The following ZNF207 variants were observed in gnomAD, a reference collection of about 807,000 sequenced individuals.
ZNF207 encodes zinc finger protein 207.
In ZNF207, 24 loss-of-function variants were observed where a neutral mutation model predicts 60.2. The observed-to-expected ratio is 0.40, with a 90% CI of 0.29 to 0.56. The LOEUF (loss-of-function observed/expected upper bound fraction) is 0.56. Among genes scored for constraint, ZNF207 ranks in the 20% least tolerant of loss-of-function variants. The pLI, the probability that ZNF207 is intolerant of heterozygous loss-of-function variation, is 0.49. For missense variants in ZNF207, 452 were observed against 636.6 expected (o/e 0.71, Z 3.12); for synonymous variants, 236 against 194.7 (o/e 1.21, Z -1.77).
intron 8 of ZNF207, among the ~76,000 whole-genome samples, chr17:32,365,873 G>T (rs1251683714): frequency 6.6e-6 from 1 of 151,390 alleles, no homozygotes; most frequent in Admixed American, 6.6e-5. Flanking sequence ...CAAATCATTT[G>T]TCAGGCTCTG....
At chr17:32,360,863 A>G (rs751258738) in intron 4 of ZNF207, 29 bp from the exon 5 acceptor site, 2 of 1,613,402 alleles carry the variant, frequency 1.2e-6, no homozygotes, top group African/African-American at 1.3e-5. Context: ...AATATTTGTT[A>G]TTATTTTGAT....
intron 1 of ZNF207, 109 bp from the exon 2 acceptor site, chr17:32,351,677 C>T: frequency 1.2e-6 from 2 of 1,603,502 alleles, no homozygotes; most frequent in Non-Finnish European, 8.5e-7. Flanking sequence ...AGTTTCTATA[C>T]AGTACCATTT....
chr17:32,354,018 T>C (rs1272170267), intron 2 of ZNF207, among the ~76,000 whole-genome samples: 1 of 152,204 alleles, frequency 6.6e-6, no homozygotes, highest in Non-Finnish European at 1.5e-5. Context: ...GGTCTCATTC[T>C]GTTGTCCAGG....
chr17:32,351,819 C>T lies in ZNF207; in HGVS notation c.75C>T (p.Ile25=), dbSNP rs367749268. Residue 25 remains isoleucine, a synonymous_variant, in exon 2 of 12, where the codon ATC becomes ATT. Transcript: ENST00000394670. ...ATAGAGATTTTGATGATGAGAAGAT[C>T]CTTATTCAGCACCAAAAAGCAAAGC... ...YCNRDFDDEK[I]LIQHQKAKHF... is the part of the protein sequence containing the mutation. 103 of 1,610,666 alleles carry T rather than the reference C, an allele frequency of 6.4e-5. No homozygotes were observed. In the Admixed American group the frequency reaches 1.6e-3, roughly 25 times the overall value.
Position 32,351,943 on chromosome 17 carries a change from G to A in ZNF207, c.168+31G>A, listed in dbSNP as rs758170493. ...GATTTTTCTTCTGTATTTATTGTCC[G>A]CTTGTGATTTGGAAACAACTTGAAA... is the stretch of plus-strand genomic sequence containing the variant. On this transcript the variant is annotated intron_variant, in intron 2 of 11. Coordinates refer to ENST00000394670, the MANE Select transcript of ZNF207 (RefSeq NM_001098507.2). The A allele has an allele frequency of 1.5e-5, 22 of 1,484,412 alleles. No homozygotes were observed. In the East Asian group the frequency reaches 2.9e-4, roughly 19 times the overall value. The allele number at this position is 1,484,412 out of a possible 1,614,324, so 92.0% of individuals were successfully genotyped here.
chr17:32,374,809 T>C lies in ZNF207; in HGVS notation c.*5050T>C, dbSNP rs899991994. On this transcript the variant is annotated 3_prime_UTR_variant, in exon 12 of 12. Transcript: ENST00000394670. ...TTTGATACCTGATCCTGTGGTAAAG[T>C]ATGTTAAACTATGGTTTTGGAGTGA... 4.6e-5 allele frequency: 7 copies of C among 152,202 alleles called. No homozygotes were observed. Among genetic ancestry groups the C allele is most frequent in the African/African-American group, 1.7e-4 (7 of 41,448 alleles). 9.4% of individuals were successfully genotyped at this position (152,202 alleles called of 1,614,324 possible). A position where few individuals can be genotyped will look rare whatever the true frequency, so the allele number is the denominator to read the frequency against.
intron 7 of ZNF207, among the ~76,000 whole-genome samples, chr17:32,364,363 T>TTTC (rs1283634106): frequency 6.8e-6 from 1 of 148,078 alleles, no homozygotes; most frequent in African/African-American, 2.5e-5. Flanking sequence ...TTTTTTTTCT[T>TTTC]TTTTTTTTTT....
At chr17:32,365,295 G>C (rs748094993) in intron 7 of ZNF207, 35 bp from the exon 8 acceptor site, 4 of 1,585,036 alleles carry the variant, frequency 2.5e-6, no homozygotes, top group Non-Finnish European at 3.4e-6. Context: ...AAATTTTTCA[G>C]TGACTCAATT....
At chr17:32,365,591 A>G (rs1180504034) in intron 8 of ZNF207, 104 bp downstream of exon 8, 3 of 1,020,878 alleles carry the variant, frequency 2.9e-6, no homozygotes, top group Admixed American at 7.7e-5. Context: ...TTTGTTTATA[A>G]TATTTTTAAT....
Position 32,373,241 on chromosome 17 carries a change from G to C in ZNF207, c.*3482G>C. 1 of 450,276 alleles carries C rather than the reference G, an allele frequency of 2.2e-6. No individual in the cohort carries two copies. The highest frequency in any genetic ancestry group is 5.5e-5 in the South Asian group (1 of 18,246). The allele number at this position is 450,276 out of a possible 1,614,324, so 27.9% of individuals were successfully genotyped here. ...GGGATTCCCCAACAAAAAGAAGTAC[G>C]GGCTCAGAGTGGAATTGTAGTGGAC... On this transcript the variant is annotated 3_prime_UTR_variant, in exon 12 of 12. Transcript: ENST00000394670.
Position 32,375,906 on chromosome 17 carries a change from T to TA in ZNF207, c.*6148dup, listed in dbSNP as rs1255654444. Reference sequence around the variant, plus strand: ...AAGTAAACATTCCCCCAATTCCACTTATGCTAACTGTCTCATGACAGTAAA... The same window carrying TA: ...AAGTAAACATTCCCCCAATTCCACTTAATGCTAACTGTCTCATGACAGTAAA... On this transcript the variant is annotated 3_prime_UTR_variant, in exon 12 of 12. Coordinates refer to ENST00000394670, the MANE Select transcript of ZNF207 (RefSeq NM_001098507.2). The TA allele has an allele frequency of 1.3e-5, 2 of 152,080 alleles. No homozygotes were observed. The highest frequency in any genetic ancestry group is 1.3e-4 in the Admixed American group (2 of 15,272). 9.4% of individuals were successfully genotyped at this position (152,080 alleles called of 1,614,324 possible). A position where few individuals can be genotyped will look rare whatever the true frequency, so the allele number is the denominator to read the frequency against.
intron 2 of ZNF207, among the ~76,000 whole-genome samples, chr17:32,358,207 TGAAA>T (rs1470821762): frequency 2.0e-5 from 3 of 152,244 alleles, no homozygotes. Flanking sequence ...ATGGTAAACT[TGAAA>T]GAATGTTTAT....
Position 32,373,581 on chromosome 17 carries a change from A to C in ZNF207, c.*3822A>C. ...ATTTAATTAAACTTAGGATTTTTAT[A>C]CTCTTTTGGCAGAGAAGGCTCTATA... On this transcript the variant is annotated 3_prime_UTR_variant, in exon 12 of 12. Coordinates refer to ENST00000394670, the MANE Select transcript of ZNF207 (RefSeq NM_001098507.2). 2.4e-6 allele frequency: 1 copy of C among 420,448 alleles called. No homozygotes were observed. The highest frequency in any genetic ancestry group is 4.2e-6 in the Non-Finnish European group (1 of 237,758). 26.0% of individuals were successfully genotyped at this position (420,448 alleles called of 1,614,324 possible). A position where few individuals can be genotyped will look rare whatever the true frequency, so the allele number is the denominator to read the frequency against.
chr17:32,361,233 T>G (rs932326800), intron 5 of ZNF207: 3 of 564,254 alleles, frequency 5.3e-6, no homozygotes, highest in South Asian at 5.2e-5. Flanking sequence ...TGGTTATTTA[T>G]AGATTTGCGT....
In ZNF207 at chr17:32,369,884, C is replaced by A; in HGVS notation, c.*125C>A. The stretch of plus-strand genomic sequence containing the variant: ...TTAACAAACATTATCTTCCCACATA[C>A]CAGGAACTATTGGACATTTATTTTA... On this transcript the variant is annotated 3_prime_UTR_variant, in exon 12 of 12. Transcript: ENST00000394670. 9.4e-7 allele frequency: 1 copy of A among 1,064,038 alleles called. No homozygotes were observed. Among genetic ancestry groups the A allele is most frequent in the Non-Finnish European group, 1.2e-6 (1 of 812,236 alleles). 65.9% of individuals were successfully genotyped at this position (1,064,038 alleles called of 1,614,324 possible).
At chr17:32,360,815 A>G in intron 4 of ZNF207, 50 bp downstream of exon 4, 3 of 1,611,834 alleles carry the variant, frequency 1.9e-6, no homozygotes, top group Non-Finnish European at 2.5e-6. Flanking sequence ...CATTATTGAT[A>G]TTGTATCGAA....
chr17:32,361,471 G>A lies in ZNF207; in HGVS notation c.555G>A (p.Leu185=). The A allele has an allele frequency of 1.2e-6, 2 of 1,607,508 alleles. No individual in the cohort carries two copies. Among genetic ancestry groups the A allele is most frequent in the Non-Finnish European group, 1.7e-6 (2 of 1,176,816 alleles). ...PPVMPGMPPG[L]HHQRKYTQSF... is the part of the protein sequence containing the mutation. ...ATTTTGTCATACATTTTCACAGATT[G>A]CATCATCAGAGAAAATACACCCAGT... The change falls in exon 6 of 12, where the codon TTG becomes TTA. Residue 185 remains leucine, a synonymous_variant. Transcript: ENST00000394670.
At chr17:32,366,496 T>G (rs188891107) in intron 8 of ZNF207, among the ~76,000 whole-genome samples, 169 bp from the exon 9 acceptor site, 1 of 152,266 alleles carries the variant, frequency 6.6e-6, no homozygotes, top group Admixed American at 6.5e-5. Flanking sequence ...CATACTTTAA[T>G]TTTGTTTATT....
chr17:32,360,190 A>ACCCCCCCC (rs1567818198), intron 3 of ZNF207, among the ~76,000 whole-genome samples: 1 of 136,016 alleles, frequency 7.4e-6, no homozygotes, highest in African/African-American at 2.7e-5. Flanking sequence ...CCCCCCCAAA[A>ACCCCCCCC]AAAAAAAAAA....
Sources: gnomAD v4.1 joint callset for allele counts (sites outside exome capture counted in the v4.1 genomes callset) on GRCh38, gnomAD v4.1.1 for gene constraint, MANE v1.5 for transcripts, NCBI Gene and HGNC (gene_info 2026-07-23, HGNC 2026-07-21) for gene names.